Variants in PTPRD observed in about 807,000 individuals in gnomAD.
The protein encoded by PTPRD is receptor-type tyrosine-protein phosphatase delta.
PTPRD carries 34 observed loss-of-function variants against 214.5 expected under a neutral mutation model. The ratio of observed to expected loss-of-function variants is 0.16; its 90% CI spans 0.12 to 0.21. The LOEUF is 0.21. Ranked by LOEUF, PTPRD falls within the 10% of genes least tolerant of loss-of-function variation. The pLI is 1.00. For missense variants in PTPRD, 2,545 were observed against 2,398.7 expected, an observed-to-expected ratio of 1.06 and a Z score of -1.27; for synonymous variants, 1,128 against 845.7, an observed-to-expected ratio of 1.33 and a Z score of -5.79.
intron 7 of PTPRD, among the ~76,000 whole-genome samples, chr9:9,600,554 G>T (rs967975115): frequency 1.3e-5 from 2 of 152,062 alleles, no homozygotes; most frequent in African/African-American, 4.8e-5. Context: ...TGGTGTTCAA[G>T]AGGAAGGAGG....
chr9:9,850,298 C>A (rs899326946), intron 5 of PTPRD, among the ~76,000 whole-genome samples: 12 of 152,076 alleles, frequency 7.9e-5, no homozygotes, highest in Admixed American at 6.6e-4. Flanking sequence ...ATGCTGGAGA[C>A]AGGAAAGAAT....
chr9:10,094,150 G>C (rs1178525697), intron 3 of PTPRD, among the ~76,000 whole-genome samples: 1 of 151,410 alleles, frequency 6.6e-6, no homozygotes, highest in Non-Finnish European at 1.5e-5. Flanking sequence ...TGTAGGATTA[G>C]CTGACCGCTG....
chr9:10,395,165 A>T (rs1386008229), intron 2 of PTPRD, among the ~76,000 whole-genome samples: 1 of 151,490 alleles, frequency 6.6e-6, no homozygotes, highest in African/African-American at 2.4e-5. Flanking sequence ...GTTTGTTAAC[A>T]CATGTATACA....
intron 14 of PTPRD, among the ~76,000 whole-genome samples, chr9:8,582,379 C>T (rs1281010521): frequency 6.6e-6 from 1 of 152,110 alleles, no homozygotes; most frequent in African/African-American, 2.4e-5. Context: ...AAGCAATAAT[C>T]ATAAAGGAAA....
intron 9 of PTPRD, among the ~76,000 whole-genome samples, chr9:9,294,999 A>G (rs1952512485): frequency 6.6e-6 from 1 of 151,780 alleles, no homozygotes; most frequent in South Asian, 2.1e-4. Context: ...GTATCAGGTA[A>G]CTTTAAGAAA....
At chr9:8,546,755 C>T (rs2080285841) in intron 14 of PTPRD, among the ~76,000 whole-genome samples, 1 of 152,084 alleles carries the variant, frequency 6.6e-6, no homozygotes, top group Non-Finnish European at 1.5e-5. Context: ...CTGCCTGGAG[C>T]CTCCCAAAGT....
At chr9:9,302,432 T>C (rs910554233) in intron 9 of PTPRD, among the ~76,000 whole-genome samples, 1 of 151,782 alleles carries the variant, frequency 6.6e-6, no homozygotes, top group Non-Finnish European at 1.5e-5. Flanking sequence ...AAACCACGTG[T>C]GAAAGTGGAT....
chr9:9,328,444 T>A (rs1404355778), intron 9 of PTPRD, among the ~76,000 whole-genome samples: 2 of 151,998 alleles, frequency 1.3e-5, no homozygotes, highest in Admixed American at 6.6e-5. Flanking sequence ...CCATTCCATC[T>A]TATTATATTT....
At chr9:8,585,378 G>T (rs7871590) in intron 14 of PTPRD, among the ~76,000 whole-genome samples, 6,596 of 152,230 alleles carry the variant, frequency 0.043, 301 homozygotes, top group African/African-American at 0.12. Flanking sequence ...TTCTGTCAAG[G>T]TTTAATCACT....
intron 9 of PTPRD, among the ~76,000 whole-genome samples, chr9:9,396,103 C>T (rs1414039013): frequency 6.6e-6 from 1 of 151,844 alleles, no homozygotes; most frequent in Non-Finnish European, 1.5e-5. Context: ...TAGTCAAGAC[C>T]CAGTTCTTTT....
chr9:10,286,738 A>C (rs1489166884), intron 3 of PTPRD, among the ~76,000 whole-genome samples: 2 of 152,002 alleles, frequency 1.3e-5, no homozygotes, highest in African/African-American at 4.8e-5. Context: ...AGCTGGTATT[A>C]CAGGCGCCCA....
At chr9:10,587,675 C>T (rs1371817995) in intron 2 of PTPRD, among the ~76,000 whole-genome samples, 1 of 151,994 alleles carries the variant, frequency 6.6e-6, no homozygotes, top group Non-Finnish European at 1.5e-5. Context: ...GCAGAGAACC[C>T]CATTCTGGTT....
At chr9:9,402,985 AAAAACACC>A (rs1569568018) in intron 8 of PTPRD, among the ~76,000 whole-genome samples, 2 of 147,182 alleles carry the variant, frequency 1.4e-5, no homozygotes, top group African/African-American at 5.0e-5. Flanking sequence ...AAAAAAAAAA[AAAAACACC>A]AAAAAAAAAT....
chr9:8,458,708 C>G (rs879924627), intron 33 of PTPRD, among the ~76,000 whole-genome samples: 1 of 152,024 alleles, frequency 6.6e-6, no homozygotes, highest in Non-Finnish European at 1.5e-5. Flanking sequence ...ATGCTTCCTG[C>G]CCTTATCTCT....
chr9:8,448,221 G>C (rs67687738), intron 34 of PTPRD, among the ~76,000 whole-genome samples: 8,901 of 152,124 alleles, frequency 0.059, 284 homozygotes, highest in South Asian at 0.1. Flanking sequence ...CCAGCTACTT[G>C]GGAAGCTGAG....
intron 39 of PTPRD, among the ~76,000 whole-genome samples, chr9:8,367,307 A>G (rs918297448): frequency 1.3e-5 from 2 of 152,116 alleles, no homozygotes. Flanking sequence ...AATTAGTTTT[A>G]TTACCATAAG....
chr9:10,447,231 C>A (rs2098806448), intron 2 of PTPRD, among the ~76,000 whole-genome samples: 1 of 151,276 alleles, frequency 6.6e-6, no homozygotes, highest in Non-Finnish European at 1.5e-5. Context: ...AAATTTAGTG[C>A]CAAGTCAGCT....
chr9:9,370,421 T>A (rs1211530032), intron 9 of PTPRD, among the ~76,000 whole-genome samples: 8 of 151,816 alleles, frequency 5.3e-5, no homozygotes, highest in Admixed American at 3.9e-4. Context: ...TTGTCTGTTA[T>A]TGGTGTATAA....
At chr9:10,454,825 ACACATG>A (rs993943323) in intron 2 of PTPRD, among the ~76,000 whole-genome samples, 17 of 151,834 alleles carry the variant, frequency 1.1e-4, no homozygotes, top group Admixed American at 7.9e-4. Flanking sequence ...ACACACACAC[ACACATG>A]CACATGCACA....
Sources: gnomAD v4.1 joint callset for allele counts (sites outside exome capture counted in the v4.1 genomes callset) on GRCh38, gnomAD v4.1.1 for gene constraint, MANE v1.5 for transcripts, NCBI Gene and HGNC (gene_info 2026-07-23, HGNC 2026-07-21) for gene names.